The following TMEM161B variants were observed in gnomAD, a reference collection of about 807,000 sequenced individuals.
TMEM161B encodes transmembrane protein 161B.
A neutral mutation model predicts 61.8 loss-of-function variants in TMEM161B; 34 were observed. That is an observed-to-expected ratio of 0.55 (90% confidence interval 0.42 to 0.73). The LOEUF is 0.73. TMEM161B is among the 30% of genes least tolerant of loss of function. The probability of loss-of-function intolerance (pLI) is 0.00; values close to 1 mark genes in which losing one functional copy is unlikely to be tolerated. For synonymous variants in TMEM161B, 167 were observed against 192.8 expected, an observed-to-expected ratio of 0.87 and a Z score of 1.11; for missense variants, 456 against 558.5, an observed-to-expected ratio of 0.82 and a Z score of 1.85.
chr5:88,187,762 C>T (rs950119574), downstream of TMEM161B, among the ~76,000 whole-genome samples: 1 of 44,800 alleles, frequency 2.2e-5, no homozygotes, highest in East Asian at 5.0e-4. Context: ...TTGGAACAAT[C>T]GTTTTTAGCT....
At chr5:88,202,739 T>TCGCCGTATCATTA in intron 9 of TMEM161B, 1 of 518,774 alleles carries the variant, frequency 1.9e-6, no homozygotes, top group Admixed American at 3.8e-5. Context: ...GTGTGTAAGG[T>TCGCCGTATCATTA]AATATTAGTG....
In TMEM161B at chr5:88,203,043, A is replaced by AGGG; in HGVS notation, c.832_833insCCC (p.Pro277_Leu278insSer). 6.2e-7 allele frequency: 1 copy of AGGG among 1,609,526 alleles called. No individual in the cohort carries two copies. The highest frequency in any genetic ancestry group is 8.5e-7 in the Non-Finnish European group (1 of 1,176,316). On this transcript the variant is annotated inframe_insertion, in exon 9 of 12. Transcript: ENST00000296595. Reference sequence around the variant, plus strand: ...TTTTACCCAGAGCAGAACCATAAATAAAGGTGCCAAGAAGTTGATATGAAG... The same window carrying AGGG: ...TTTTACCCAGAGCAGAACCATAAATAGGGAAGGTGCCAAGAAGTTGATATGAAG...
At chr5:88,236,538 C>T (rs1323791067) in intron 2 of TMEM161B, among the ~76,000 whole-genome samples, 5 of 152,104 alleles carry the variant, frequency 3.3e-5, no homozygotes, top group Admixed American at 2.0e-4. Flanking sequence ...ATGATAAGAA[C>T]GTCTTTAACT....
At chr5:88,227,926 T>C (rs757649212) in intron 3 of TMEM161B, among the ~76,000 whole-genome samples, 1 of 152,218 alleles carries the variant, frequency 6.6e-6, no homozygotes, top group Non-Finnish European at 1.5e-5. Context: ...GAGGCTTCTA[T>C]GGTCTGTTCT....
intron 5 of TMEM161B, among the ~76,000 whole-genome samples, chr5:88,218,243 G>A (rs951358455): frequency 6.6e-6 from 1 of 151,992 alleles, no homozygotes; most frequent in East Asian, 1.9e-4. Flanking sequence ...ATAGAGAAGG[G>A]AAAAATCACC....
intron 1 of TMEM161B, among the ~76,000 whole-genome samples, chr5:88,249,234 T>C (rs1561413524): frequency 1.3e-5 from 2 of 152,080 alleles, no homozygotes; most frequent in African/African-American, 2.4e-5. Context: ...AAATGTCTCA[T>C]AAATGTCAAA....
chr5:88,223,431 G>T (rs1361753005), intron 4 of TMEM161B, among the ~76,000 whole-genome samples: 1 of 152,130 alleles, frequency 6.6e-6, no homozygotes, highest in Non-Finnish European at 1.5e-5. Context: ...ATATATTCTT[G>T]TATTTATACA....
chr5:88,198,935 G>GT, intron 10 of TMEM161B, 41 bp downstream of exon 10: 1 of 1,545,294 alleles, frequency 6.5e-7, no homozygotes, highest in South Asian at 1.2e-5. Flanking sequence ...TTACAGTGCG[G>GT]TTTTTGCTAT....
chr5:88,202,464 A>T, intron 9 of TMEM161B: 1 of 184,262 alleles, frequency 5.4e-6, no homozygotes, highest in Non-Finnish European at 1.1e-5. Context: ...CAAACTAAAG[A>T]AAGTACTAAG....
At chr5:88,191,830 G>A (rs1369769370), downstream of TMEM161B, among the ~76,000 whole-genome samples, 3 of 150,238 alleles carry the variant, frequency 2.0e-5, no homozygotes, top group Non-Finnish European at 4.4e-5. Flanking sequence ...GGTGGCGGGC[G>A]CCTGTAGTCC....
At chr5:88,196,583 T>A in intron 11 of TMEM161B, 95 bp from the exon 12 acceptor site, 1 of 1,219,584 alleles carries the variant, frequency 8.2e-7, no homozygotes, top group Non-Finnish European at 1.1e-6. Flanking sequence ...ATTAACAATA[T>A]GTTTAGTGGC....
intron 5 of TMEM161B, among the ~76,000 whole-genome samples, chr5:88,214,194 C>G (rs1747391585): frequency 6.6e-6 from 1 of 152,050 alleles, no homozygotes; most frequent in Non-Finnish European, 1.5e-5. Context: ...AATTTGTATG[C>G]CTGGCAACGA....
chr5:88,199,993 A>T (rs2112352424), intron 9 of TMEM161B: 1 of 152,026 alleles, frequency 6.6e-6, no homozygotes, highest in South Asian at 2.1e-4. Flanking sequence ...TAATGCACAG[A>T]CTCATTTGCC....
chr5:88,220,479 C>A, intron 5 of TMEM161B, 84 bp downstream of exon 5: 2 of 1,118,514 alleles, frequency 1.8e-6, no homozygotes, highest in South Asian at 2.8e-5. Flanking sequence ...TATCTAATGA[C>A]ATAAAATCTT....
chr5:88,208,170 C>T (rs899533121), intron 5 of TMEM161B, among the ~76,000 whole-genome samples: 6 of 151,900 alleles, frequency 3.9e-5, no homozygotes, highest in South Asian at 2.1e-4. Flanking sequence ...GCCAACACGG[C>T]GAAACCCCGT....
downstream of TMEM161B, among the ~76,000 whole-genome samples, chr5:88,193,532 A>G (rs1321372925): frequency 6.6e-6 from 1 of 152,158 alleles, no homozygotes; most frequent in Non-Finnish European, 1.5e-5. Context: ...GGCTAAAAAA[A>G]CTAAACCAAA....
chr5:88,204,376 C>G (rs947319788), intron 8 of TMEM161B, among the ~76,000 whole-genome samples: 4 of 152,166 alleles, frequency 2.6e-5, no homozygotes, highest in Non-Finnish European at 5.9e-5. Flanking sequence ...CCACATTTTA[C>G]TAAAAAGGAC....
chr5:88,220,214 G>A (rs1281955938), intron 5 of TMEM161B, among the ~76,000 whole-genome samples: 1 of 152,034 alleles, frequency 6.6e-6, no homozygotes, highest in South Asian at 2.1e-4. Flanking sequence ...TGAAAGAAGG[G>A]AAGAAAAGGG....
intron 2 of TMEM161B, among the ~76,000 whole-genome samples, chr5:88,234,265 G>A (rs1751494312): frequency 6.6e-6 from 1 of 152,202 alleles, no homozygotes. Context: ...TGGTTTGGTA[G>A]TATACAGATG....
Sources: gnomAD v4.1 joint callset for allele counts (sites outside exome capture counted in the v4.1 genomes callset) on GRCh38, gnomAD v4.1.1 for gene constraint, MANE v1.5 for transcripts, NCBI Gene and HGNC (gene_info 2026-07-23, HGNC 2026-07-21) for gene names.